Variants in SDK1 observed in about 807,000 individuals in gnomAD.
SDK1 encodes the protein sidekick cell adhesion molecule 1.
In SDK1, 157 loss-of-function variants were observed where a neutral mutation model predicts 245.5. The ratio of observed to expected loss-of-function variants is 0.64; its 90% CI spans 0.56 to 0.73. The LOEUF (loss-of-function observed/expected upper bound fraction) is 0.73. SDK1 is among the 30% of genes least tolerant of loss of function. The pLI is 0.00. For missense variants in SDK1, 3,583 were observed against 3,002.3 expected (o/e 1.19, Z -4.52); for synonymous variants, 1,647 against 1,278.5 (o/e 1.29, Z -6.15).
intron 4 of SDK1, among the ~76,000 whole-genome samples, chr7:3,733,628 C>T (rs1197643385): frequency 1.3e-5 from 2 of 152,154 alleles, no homozygotes; most frequent in African/African-American, 4.8e-5. Flanking sequence ...ATGTCTGTCT[C>T]ACTTGGCTTT....
intron 1 of SDK1, among the ~76,000 whole-genome samples, chr7:3,504,042 C>T (rs943737446): frequency 2.0e-5 from 3 of 151,386 alleles, no homozygotes; most frequent in Non-Finnish European, 2.9e-5. Flanking sequence ...CTCAGCTACT[C>T]GGGAGGCTGA....
chr7:3,735,805 A>G (rs1278210262), intron 4 of SDK1, among the ~76,000 whole-genome samples: 1 of 152,164 alleles, frequency 6.6e-6, no homozygotes, highest in Admixed American at 6.5e-5. Flanking sequence ...CAAGATCTCC[A>G]GTTTCCCCAT....
At chr7:4,236,697 C>T (rs537015852) in intron 41 of SDK1, among the ~76,000 whole-genome samples, 107 of 152,058 alleles carry the variant, frequency 7.0e-4, no homozygotes, top group Non-Finnish European at 9.3e-4. Context: ...CGGAGGAAGA[C>T]CTCTCTTGGG....
intron 1 of SDK1, among the ~76,000 whole-genome samples, chr7:3,617,175 C>T (rs1781797798): frequency 6.6e-6 from 1 of 152,094 alleles, no homozygotes; most frequent in Non-Finnish European, 1.5e-5. Context: ...TGGTTTCCAG[C>T]ACAAAGTAAA....
In SDK1 at chr7:4,158,986, C is replaced by T. The variant is rs552143863; in HGVS notation, c.4729+435C>T. Reference sequence around the variant, plus strand: ...TTTCAGCCGCTCCGTCCTACCTCGGCGGCGTCAGGCCTGAAGATGGATTGT... The same window carrying T: ...TTTCAGCCGCTCCGTCCTACCTCGGTGGCGTCAGGCCTGAAGATGGATTGT... On this transcript the variant is annotated intron_variant, in intron 31 of 44. Coordinates refer to ENST00000404826, the MANE Select transcript of SDK1 (RefSeq NM_152744.4). 3.5e-4 allele frequency among the ~76,000 whole-genome samples: 53 copies of T among 152,296 alleles called. 2 individuals are homozygous for T. Among genetic ancestry groups the T allele is most frequent in the African/African-American group, 1.3e-3 (52 of 41,556 alleles).
chr7:3,783,734 T>C (rs1780819781), intron 4 of SDK1, among the ~76,000 whole-genome samples: 1 of 152,228 alleles, frequency 6.6e-6, no homozygotes, highest in Admixed American at 6.5e-5. Flanking sequence ...AAATATTTTA[T>C]GTTGATGGAT....
intron 5 of SDK1, among the ~76,000 whole-genome samples, chr7:3,901,614 G>A (rs74513596): frequency 1.1e-3 from 171 of 152,282 alleles, no homozygotes; most frequent in African/African-American, 3.9e-3. Context: ...AAAGGGAAAG[G>A]TGCATTTTTC....
intron 1 of SDK1, among the ~76,000 whole-genome samples, chr7:3,335,908 T>G (rs1169091497): frequency 6.7e-6 from 1 of 150,152 alleles, no homozygotes; most frequent in Admixed American, 6.6e-5. Context: ...CAAAGAAGCA[T>G]AGGAAGATGC....
chr7:3,322,184 A>G (rs1779833165), intron 1 of SDK1, among the ~76,000 whole-genome samples: 1 of 152,018 alleles, frequency 6.6e-6, no homozygotes, highest in African/African-American at 2.4e-5. Context: ...CCTAATGACC[A>G]TCCACCCGTG....
At chr7:3,455,769 C>G (rs1780647353) in intron 1 of SDK1, among the ~76,000 whole-genome samples, 1 of 152,036 alleles carries the variant, frequency 6.6e-6, no homozygotes, top group Non-Finnish European at 1.5e-5. Context: ...GGTTCTTTGC[C>G]TTTTCATATA....
At chr7:4,019,379 A>T (rs1786683326) in intron 17 of SDK1, among the ~76,000 whole-genome samples, 1 of 152,170 alleles carries the variant, frequency 6.6e-6, no homozygotes, top group Non-Finnish European at 1.5e-5. Flanking sequence ...CGTCAGTAGG[A>T]CTTGAGATTT....
chr7:3,464,318 G>T (rs1346716924), intron 1 of SDK1, among the ~76,000 whole-genome samples: 1 of 152,150 alleles, frequency 6.6e-6, no homozygotes, highest in Non-Finnish European at 1.5e-5. Flanking sequence ...GAGGCCGGGA[G>T]TTCTAGGCCA....
chr7:4,266,555 G>A lies in SDK1; in HGVS notation c.*1171G>A. ...CCGAGGCCAGCTTTTAGCCTTAACAGGTTTTTTGGAAATGTTTCTTTTTTT... is the reference window on the plus strand; with the variant it reads ...CCGAGGCCAGCTTTTAGCCTTAACAAGTTTTTTGGAAATGTTTCTTTTTTT... On this transcript the variant is annotated 3_prime_UTR_variant, in exon 45 of 45. Transcript: ENST00000404826. The A allele has an allele frequency of 1.0e-6, 1 of 961,828 alleles. No individual in the cohort carries two copies. Among genetic ancestry groups the A allele is most frequent in the Non-Finnish European group, 1.2e-6 (1 of 822,244 alleles). 59.6% of individuals were successfully genotyped at this position (961,828 alleles called of 1,614,324 possible). A position where few individuals can be genotyped will look rare whatever the true frequency, so the allele number is the denominator to read the frequency against.
intron 1 of SDK1, among the ~76,000 whole-genome samples, chr7:3,459,673 C>G (rs972619932): frequency 6.6e-6 from 1 of 152,138 alleles, no homozygotes; most frequent in East Asian, 1.9e-4. Flanking sequence ...TAAATTGCTT[C>G]GTCGCATATT....
intron 4 of SDK1, among the ~76,000 whole-genome samples, chr7:3,778,076 A>T (rs1440708640): frequency 6.6e-6 from 1 of 151,860 alleles, no homozygotes; most frequent in Non-Finnish European, 1.5e-5. Flanking sequence ...ACAAAGTAAC[A>T]TTTTTTTTGC....
intron 13 of SDK1, among the ~76,000 whole-genome samples, chr7:3,986,586 CAT>C (rs1783846609): frequency 1.3e-5 from 2 of 152,154 alleles, no homozygotes; most frequent in African/African-American, 2.4e-5. Context: ...GTAGGCCGGG[CAT>C]GGTGGCTCAC....
intron 4 of SDK1, among the ~76,000 whole-genome samples, chr7:3,741,880 A>G (rs937769903): frequency 1.3e-5 from 2 of 152,102 alleles, no homozygotes; most frequent in South Asian, 4.2e-4. Flanking sequence ...GGATGCTCAT[A>G]TATGTGCACT....
At chr7:3,822,426 A>T (rs1246661997) in intron 5 of SDK1, among the ~76,000 whole-genome samples, 1 of 152,202 alleles carries the variant, frequency 6.6e-6, no homozygotes, top group African/African-American at 2.4e-5. Context: ...AGTGGATTTT[A>T]TCTTTTTAAA....
At position 3,771,501 on chromosome 7, in the gene SDK1, C is replaced by T. The variant is rs369951681; in HGVS notation, c.714-49949C>T. On this transcript the variant is annotated intron_variant, in intron 4 of 44. Transcript: ENST00000404826. ...TGTTGTGCATATGTATGACTGAGTT[C>T]ATCTCTTGGGGTTCTGAATACCTTT... 3.3e-5 allele frequency among the ~76,000 whole-genome samples: 5 copies of T among 152,250 alleles called. No individual in the cohort carries two copies. The South Asian group carries it at 1.0e-3, about 32-fold the overall frequency.
Sources: gnomAD v4.1 joint callset for allele counts (sites outside exome capture counted in the v4.1 genomes callset) on GRCh38, gnomAD v4.1.1 for gene constraint, MANE v1.5 for transcripts, NCBI Gene and HGNC (gene_info 2026-07-23, HGNC 2026-07-21) for gene names.